Variants in PCDH15 observed in about 807,000 individuals in gnomAD.
The protein encoded by PCDH15 is protocadherin related 15.
A neutral mutation model predicts 178.5 loss-of-function variants in PCDH15; 129 were observed. The ratio of observed to expected loss-of-function variants is 0.72; its 90% confidence interval spans 0.63 to 0.84. The LOEUF (loss-of-function observed/expected upper bound fraction) is 0.84, where lower values mean the gene tolerates loss of function less well. Among genes scored for constraint, PCDH15 ranks in the 40% least tolerant of loss-of-function variants. The pLI is 0.00. For synonymous variants in PCDH15, 800 were observed against 732.0 expected (o/e 1.09, Z -1.50); for missense variants, 2,230 against 2,099.9 (o/e 1.06, Z -1.21).
intron 2 of PCDH15, among the ~76,000 whole-genome samples, chr10:54,550,111 C>T (rs759049721): frequency 4.6e-5 from 7 of 152,138 alleles, no homozygotes; most frequent in Non-Finnish European, 8.8e-5. Context: ...CATCAATAGA[C>T]TCATGCTTTC....
chr10:55,333,807 A>T (rs1160742390), intron 2 of PCDH15, among the ~76,000 whole-genome samples: 5 of 151,926 alleles, frequency 3.3e-5, no homozygotes, highest in Non-Finnish European at 7.4e-5. Context: ...TTCAAGAAAA[A>T]AAAGCTAAAG....
intron 2 of PCDH15, among the ~76,000 whole-genome samples, chr10:55,505,452 TA>T (rs1007769937): frequency 1.7e-4 from 25 of 151,422 alleles, no homozygotes; most frequent in African/African-American, 6.0e-4. Flanking sequence ...AGGGAATTAG[TA>T]GACAAGGACA....
intron 2 of PCDH15, among the ~76,000 whole-genome samples, chr10:54,935,814 C>G (rs777906136): frequency 6.6e-6 from 1 of 151,874 alleles, no homozygotes; most frequent in Non-Finnish European, 1.5e-5. Flanking sequence ...CATTGTTATT[C>G]TTAAATTCCA....
chr10:54,342,425 A>G (rs1942415027), intron 6 of PCDH15, among the ~76,000 whole-genome samples: 1 of 152,228 alleles, frequency 6.6e-6, no homozygotes, highest in African/African-American at 2.4e-5. Flanking sequence ...CTGCAGGTAC[A>G]TAGAAGACAA....
Position 54,433,089 on chromosome 10 carries a change from G to A in PCDH15, c.158-54147C>T, listed in dbSNP as rs187738732. ...CACTAATGAATGCTGGAGAGGATGT[G>A]GAGAAAAGGGAATCCTCTTACACTG... On this transcript the variant is annotated intron_variant, in intron 3 of 37. Coordinates refer to ENST00000644397, the MANE Select transcript of PCDH15 (RefSeq NM_001384140.1). Among the ~76,000 whole-genome samples, 11 of 152,170 alleles carry A rather than the reference G, an allele frequency of 7.2e-5. 1 individual carries two copies. The East Asian group carries it at 2.1e-3, about 29-fold the overall frequency.
At chr10:53,986,138 A>T (rs1447644277) in intron 21 of PCDH15, among the ~76,000 whole-genome samples, 1 of 152,066 alleles carries the variant, frequency 6.6e-6, no homozygotes, top group African/African-American at 2.4e-5. Context: ...CAATTAAGAA[A>T]TGGGTAAAGG....
chr10:54,291,295 C>A (rs2059387240), intron 8 of PCDH15, among the ~76,000 whole-genome samples: 1 of 152,098 alleles, frequency 6.6e-6, no homozygotes, highest in Admixed American at 6.5e-5. Flanking sequence ...ACACAACATT[C>A]CAGAATCTCT....
At chr10:53,922,834 C>T (rs1383997718) in intron 25 of PCDH15, among the ~76,000 whole-genome samples, 1 of 152,076 alleles carries the variant, frequency 6.6e-6, no homozygotes, top group Admixed American at 6.5e-5. Flanking sequence ...TGCCTGTAAT[C>T]CCAGCACTTT....
intron 2 of PCDH15, among the ~76,000 whole-genome samples, chr10:54,970,018 A>G (rs921121832): frequency 1.3e-5 from 2 of 152,178 alleles, no homozygotes; most frequent in African/African-American, 2.4e-5. Flanking sequence ...TGTAATCTCC[A>G]ATGCAACATT....
chr10:55,543,489 A>G (rs973836904), intron 2 of PCDH15, among the ~76,000 whole-genome samples: 5 of 151,362 alleles, frequency 3.3e-5, no homozygotes, highest in Non-Finnish European at 7.4e-5. Flanking sequence ...AATCTACTTA[A>G]TATGTCAGGA....
intron 2 of PCDH15, among the ~76,000 whole-genome samples, chr10:55,071,509 C>T (rs1161650435): frequency 1.3e-5 from 2 of 152,118 alleles, no homozygotes; most frequent in Admixed American, 1.3e-4. Flanking sequence ...AAGGCCATTA[C>T]ATAATGGTAA....
At chr10:54,937,001 A>C (rs1229100127) in intron 2 of PCDH15, among the ~76,000 whole-genome samples, 3 of 151,950 alleles carry the variant, frequency 2.0e-5, no homozygotes, top group East Asian at 3.8e-4. Context: ...TCTATCATCT[A>C]TCTGGAATTA....
chr10:54,338,250 T>A (rs1705925464), intron 6 of PCDH15, among the ~76,000 whole-genome samples: 1 of 152,142 alleles, frequency 6.6e-6, no homozygotes, highest in South Asian at 2.1e-4. Context: ...TCCAGTAAAA[T>A]GAGAATATTA....
At chr10:54,632,194 T>C (rs2093721142) in intron 2 of PCDH15, among the ~76,000 whole-genome samples, 1 of 151,978 alleles carries the variant, frequency 6.6e-6, no homozygotes, top group African/African-American at 2.4e-5. Context: ...AAAAACCAAA[T>C]ACTACATGTT....
intron 23 of PCDH15, among the ~76,000 whole-genome samples, chr10:53,954,489 CTG>C (rs2087414541): frequency 6.6e-6 from 1 of 152,202 alleles, no homozygotes; most frequent in South Asian, 2.1e-4. Flanking sequence ...AATGCGAACT[CTG>C]AACCATTTTT....
chr10:55,171,618 T>C (rs1839333053), intron 1 of PCDH15, among the ~76,000 whole-genome samples: 1 of 152,274 alleles, frequency 6.6e-6, no homozygotes, highest in African/African-American at 2.4e-5. Context: ...CTATTTGGCA[T>C]TTGACCAAGT....
intron 2 of PCDH15, among the ~76,000 whole-genome samples, chr10:54,558,431 G>T (rs1351528368): frequency 6.6e-6 from 1 of 151,912 alleles, no homozygotes; most frequent in African/African-American, 2.4e-5. Flanking sequence ...ATCTCGCTCT[G>T]CCCACCAGTC....
chr10:54,601,822 G>A (rs947440008), intron 2 of PCDH15, among the ~76,000 whole-genome samples: 52 of 152,010 alleles, frequency 3.4e-4, no homozygotes, highest in African/African-American at 1.0e-3. Flanking sequence ...TGTCCTTTGC[G>A]GTAACATGGA....
intron 2 of PCDH15, among the ~76,000 whole-genome samples, chr10:54,927,844 G>T (rs149082169): frequency 2.4e-4 from 37 of 152,110 alleles, no homozygotes; most frequent in African/African-American, 7.9e-4. Flanking sequence ...CATAAGAGAT[G>T]GGTCTCTTGA....
Sources: allele counts gnomAD v4.1 joint callset (sites outside exome capture counted in the v4.1 genomes callset), GRCh38; gene constraint gnomAD v4.1.1; transcripts MANE v1.5; gene names NCBI Gene and HGNC (gene_info 2026-07-23, HGNC 2026-07-21).